The following ALK variants were observed in gnomAD, a reference collection of about 807,000 sequenced individuals.
ALK encodes ALK receptor tyrosine kinase.
Under a neutral mutation model 163.1 loss-of-function variants are expected in ALK, and 74 were observed. The ratio of observed to expected loss-of-function variants is 0.45; its 90% CI spans 0.38 to 0.55. The LOEUF is 0.55. Ranked by LOEUF, ALK falls within the 20% of genes least tolerant of loss-of-function variation. The probability of loss-of-function intolerance (pLI) is 0.00; values close to 1 mark genes in which losing one functional copy is unlikely to be tolerated. For missense variants in ALK, 2,063 were observed against 2,105.3 expected, an observed-to-expected ratio of 0.98 and a Z score of 0.39; for synonymous variants, 960 against 843.2, an observed-to-expected ratio of 1.14 and a Z score of -2.40.
At chr2:29,633,886 C>T (rs1676450602) in intron 3 of ALK, among the ~76,000 whole-genome samples, 1 of 152,106 alleles carries the variant, frequency 6.6e-6, no homozygotes, top group African/African-American at 2.4e-5. Flanking sequence ...GTAATTTGAA[C>T]AGCCCTGTAA....
intron 1 of ALK, among the ~76,000 whole-genome samples, chr2:29,917,110 C>T (rs1222648920): frequency 6.6e-6 from 1 of 152,202 alleles, no homozygotes; most frequent in Non-Finnish European, 1.5e-5. Context: ...TTTCTCCTAA[C>T]TGGTGCTTTT....
chr2:29,608,038 T>G (rs1462808094), intron 3 of ALK, among the ~76,000 whole-genome samples: 1 of 55,008 alleles, frequency 1.8e-5, no homozygotes, highest in African/African-American at 1.3e-4. Context: ...ACATTTCTAT[T>G]GCTTTGTCTG....
chr2:29,426,854 A>G (rs1670150355), intron 4 of ALK, among the ~76,000 whole-genome samples: 1 of 151,992 alleles, frequency 6.6e-6, no homozygotes, highest in African/African-American at 2.4e-5. Flanking sequence ...ACTGGCCAAC[A>G]TGGTAAAACC....
intron 1 of ALK, among the ~76,000 whole-genome samples, chr2:29,800,531 A>G (rs1040797772): frequency 2.6e-5 from 4 of 152,224 alleles, no homozygotes; most frequent in African/African-American, 9.6e-5. Flanking sequence ...CAACAGGGAC[A>G]GAGAACTCCT....
At chr2:29,575,366 T>C (rs60782443) in intron 3 of ALK, among the ~76,000 whole-genome samples, 2 of 152,214 alleles carry the variant, frequency 1.3e-5, no homozygotes, top group African/African-American at 2.4e-5. Context: ...CATCTGTTTT[T>C]ATTCTCTTTA....
chr2:29,345,306 G>C lies in ALK; in HGVS notation c.1283-16825C>G, dbSNP rs560220694. On this transcript the variant is annotated intron_variant, in intron 5 of 28. Transcript: ENST00000389048. Reference sequence around the variant, plus strand: ...AGCTACCTGGGAGGCTGAGGTGGGAGGATCACCTGAGCCTGGGAGTTCTCC... The same window carrying C: ...AGCTACCTGGGAGGCTGAGGTGGGACGATCACCTGAGCCTGGGAGTTCTCC... Among the ~76,000 whole-genome samples, 437 of 152,060 alleles carry C rather than the reference G, an allele frequency of 2.9e-3. 2 individuals are homozygous for C. Among genetic ancestry groups the C allele is most frequent in the South Asian group, 5.8e-3 (28 of 4,810 alleles).
At chr2:29,800,852 T>C (rs1177691668) in intron 1 of ALK, among the ~76,000 whole-genome samples, 1 of 152,140 alleles carries the variant, frequency 6.6e-6, no homozygotes, top group African/African-American at 2.4e-5. Flanking sequence ...GCTGAGTAAT[T>C]TACAGTATAG....
At position 29,318,308 on chromosome 2, in the gene ALK, C is replaced by A. The variant is rs1439699269; in HGVS notation, c.1643G>T (p.Cys548Phe). ...TAGAGAAACAAGGAGACTTGCCTCA[C>A]ATGGAGAGCTCTTGATCGGTGCAGG... ...TFPAPIKSSP[C>F]ELRMSWLIRG... Residue 548 changes from cysteine to phenylalanine, a missense_variant, in exon 8 of 29, where the codon TGT (cysteine) becomes TTT (phenylalanine). Physicochemically the swap from Cys to Phe is radical, Grantham distance 205. Coordinates refer to ENST00000389048, the MANE Select transcript of ALK (RefSeq NM_004304.5). The A allele has an allele frequency of 6.2e-7, 1 of 1,611,980 alleles. No individual in the cohort carries two copies. The highest frequency in any genetic ancestry group is 8.5e-7 in the Non-Finnish European group (1 of 1,178,038).
intron 3 of ALK, among the ~76,000 whole-genome samples, chr2:29,693,432 C>CAG (rs915046276): frequency 2.3e-4 from 34 of 150,246 alleles, no homozygotes; most frequent in African/African-American, 7.9e-4. Flanking sequence ...CACACACACA[C>CAG]ACACAGACAC....
rs1206159815 is a variant in ALK, at chr2:29,246,509, A to C, written c.2204+4596T>G. On this transcript the variant is annotated intron_variant, in intron 12 of 28. Transcript: ENST00000389048. This position sits in a 1 kb window ranked among gnomAD's most constrained non-coding sequence, Gnocchi z 4.3. ...CACCCTCTAGACACCATGGTTACTC[A>C]GCACCACGGCCCAGAGGCCTCCTGA... Among the ~76,000 whole-genome samples the C allele has an allele frequency of 6.6e-6, 1 of 152,094 alleles. No homozygotes were observed. The highest frequency in any genetic ancestry group is 1.5e-5 in the Non-Finnish European group (1 of 68,016).
chr2:29,702,578 G>A lies in ALK; in HGVS notation c.788-7564C>T, dbSNP rs1678775532. The stretch of plus-strand genomic sequence containing the variant: ...CCCAGGGCTTAAAGTTCCCTTCTAG[G>A]TTTCTTGATTGTATTAGTCTGTTCT... On this transcript the variant is annotated intron_variant, in intron 2 of 28. Transcript: ENST00000389048. Among the ~76,000 whole-genome samples, 5 of 152,184 alleles carry A rather than the reference G, an allele frequency of 3.3e-5. No individual in the cohort carries two copies. In the South Asian group the frequency reaches 1.0e-3, roughly 32 times the overall value.
intron 23 of ALK, among the ~76,000 whole-genome samples, chr2:29,220,364 A>G (rs1397813533): frequency 2.0e-5 from 3 of 152,070 alleles, no homozygotes; most frequent in Non-Finnish European, 2.9e-5. Flanking sequence ...GGCCTCCCCA[A>G]CCATGCTTCC....
At chr2:29,370,978 C>T (rs11899406) in intron 5 of ALK, among the ~76,000 whole-genome samples, 9,324 of 152,210 alleles carry the variant, frequency 0.061, 331 homozygotes, top group East Asian at 0.14. Flanking sequence ...TTTGTAGATA[C>T]GAAATGCTGG....
chr2:29,769,603 T>C (rs1680960719), intron 1 of ALK, among the ~76,000 whole-genome samples: 1 of 152,174 alleles, frequency 6.6e-6, no homozygotes, highest in African/African-American at 2.4e-5. Context: ...CACATAGTGA[T>C]CTTCCCCTGC....
chr2:29,277,560 G>T (rs1270199084), intron 9 of ALK, among the ~76,000 whole-genome samples: 1 of 152,236 alleles, frequency 6.6e-6, no homozygotes, highest in African/African-American at 2.4e-5. Context: ...AATCTGGTTT[G>T]ATTCTAAAGA....
intron 2 of ALK, among the ~76,000 whole-genome samples, chr2:29,710,072 ATG>A (rs1480481496): frequency 2.6e-5 from 4 of 152,178 alleles, no homozygotes; most frequent in Non-Finnish European, 4.4e-5. Flanking sequence ...GGTCTTCCGC[ATG>A]TTGTTCTCAT....
intron 11 of ALK, among the ~76,000 whole-genome samples, chr2:29,258,070 C>T (rs966547358): frequency 6.6e-6 from 1 of 152,164 alleles, no homozygotes; most frequent in East Asian, 1.9e-4. Context: ...AACTCATGGG[C>T]TCAAGTGATC....
chr2:29,836,852 T>C (rs56101161), intron 1 of ALK, among the ~76,000 whole-genome samples: 17,607 of 152,272 alleles, frequency 0.12, 1,290 homozygotes, highest in South Asian at 0.22. Flanking sequence ...TTCCTCCATA[T>C]GCAAAATGAA....
chr2:29,507,645 T>C (rs1326632092), intron 4 of ALK, among the ~76,000 whole-genome samples: 2 of 152,182 alleles, frequency 1.3e-5, no homozygotes, highest in Non-Finnish European at 2.9e-5. Context: ...AATTAACATT[T>C]CTATGGCCTC....
Sources: gnomAD v4.1 joint callset for allele counts (sites outside exome capture counted in the v4.1 genomes callset) on GRCh38, gnomAD v4.1.1 for gene constraint, Gnocchi (gnomAD v3.1) non-coding constraint, MANE v1.5 for transcripts, NCBI Gene and HGNC (gene_info 2026-07-23, HGNC 2026-07-21) for gene names.